Variants in CPPED1 observed in about 807,000 individuals in gnomAD.
CPPED1 encodes calcineurin like phosphoesterase domain containing 1, also known as serine/threonine-protein phosphatase CPPED1.
A neutral mutation model predicts 28.0 loss-of-function variants in CPPED1; 28 were observed. That is an observed-to-expected ratio of 1.00 (90% CI 0.74 to 1.37). CPPED1 has a LOEUF of 1.37. CPPED1 is among the 40% of genes most tolerant of loss of function. CPPED1 has a pLI of 0.00. For synonymous variants in CPPED1, 198 were observed against 180.2 expected (o/e 1.10, Z -0.79); for missense variants, 504 against 416.5 (o/e 1.21, Z -1.83).
intron 2 of CPPED1, among the ~76,000 whole-genome samples, chr16:12,774,321 A>G (rs2080485651): frequency 6.6e-6 from 1 of 152,096 alleles, no homozygotes; most frequent in South Asian, 2.1e-4. Context: ...TACAAAAATT[A>G]GCCAGGTGTG....
In CPPED1 at chr16:12,661,740, G is replaced by A. The variant is rs1197317330; in HGVS notation, c.*3146C>T. 1 of 152,380 alleles carries A rather than the reference G, an allele frequency of 6.6e-6. No individual in the cohort carries two copies. Among genetic ancestry groups the A allele is most frequent in the African/African-American group, 2.4e-5 (1 of 41,446 alleles). 9.4% of individuals were successfully genotyped at this position (152,380 alleles called of 1,614,324 possible). A position where few individuals can be genotyped will look rare whatever the true frequency, so the allele number is the denominator to read the frequency against. On this transcript the variant is annotated 3_prime_UTR_variant, in exon 4 of 4. Coordinates refer to ENST00000381774, the MANE Select transcript of CPPED1 (RefSeq NM_018340.3). ...TGCTGCAGACAGGGCTGTGTCCCGT[G>A]ACTCATTATGGTTCAGTTCGGTTTC...
chr16:12,707,156 A>C (rs546960884), intron 2 of CPPED1, among the ~76,000 whole-genome samples: 24 of 152,192 alleles, frequency 1.6e-4, no homozygotes, highest in African/African-American at 1.4e-4. Flanking sequence ...GAACACAACA[A>C]ACTCTCTCAA....
At chr16:12,694,491 C>T (rs1449962172) in intron 3 of CPPED1, among the ~76,000 whole-genome samples, 1 of 152,120 alleles carries the variant, frequency 6.6e-6, no homozygotes, top group Admixed American at 6.6e-5. Context: ...TAATCCATCA[C>T]TTTACACCAG....
Position 12,704,926 on chromosome 16 carries a change from G to A in CPPED1, c.413C>T (p.Thr138Ile). Residue 138 changes from threonine to isoleucine, a missense_variant, in exon 3 of 4, where the codon ACC becomes ATC. Coordinates refer to ENST00000381774, the MANE Select transcript of CPPED1 (RefSeq NM_018340.3). ...HDIGNTPTAETVEEFCRTWGD... is the reference protein window; with the variant it reads ...HDIGNTPTAEIVEEFCRTWGD... ...CCAAGTCCGGCAGAACTCCTCGACG[G>A]TCTCGGCCGTGGGGGTGTTGCCAAT... The A allele has an allele frequency of 6.2e-7, 1 of 1,614,162 alleles. No individual in the cohort carries two copies. Among genetic ancestry groups the A allele is most frequent in the Non-Finnish European group, 8.5e-7 (1 of 1,180,024 alleles).
intron 2 of CPPED1, among the ~76,000 whole-genome samples, chr16:12,772,711 A>G (rs367634446): frequency 6.6e-6 from 1 of 152,328 alleles, no homozygotes; most frequent in South Asian, 2.1e-4. Context: ...TTAAATCAGA[A>G]AAGCCTTCTG....
chr16:12,754,598 A>C (rs187974548), intron 2 of CPPED1, among the ~76,000 whole-genome samples: 1 of 152,352 alleles, frequency 6.6e-6, no homozygotes, highest in African/African-American at 2.4e-5. Flanking sequence ...GTCTATTTAT[A>C]AAAATCCAAT....
chr16:12,802,914 A>G (rs1023639291), intron 1 of CPPED1, among the ~76,000 whole-genome samples: 2 of 152,194 alleles, frequency 1.3e-5, no homozygotes, highest in African/African-American at 4.8e-5. Flanking sequence ...ATTTAGGGTG[A>G]CTTCCCTGGG....
intron 2 of CPPED1, among the ~76,000 whole-genome samples, chr16:12,765,850 T>A (rs140186136): frequency 6.6e-6 from 1 of 152,314 alleles, no homozygotes; most frequent in African/African-American, 2.4e-5. Flanking sequence ...AACCTCTCAT[T>A]ATTTTTTTTC....
At chr16:12,720,474 A>C (rs1033597537) in intron 2 of CPPED1, 1 of 152,778 alleles carries the variant, frequency 6.5e-6, no homozygotes, top group Non-Finnish European at 1.5e-5. Context: ...ATATTAACAA[A>C]GTGTTTTATT....
chr16:12,753,043 CAT>C (rs1272439431), intron 2 of CPPED1: 1 of 152,004 alleles, frequency 6.6e-6, no homozygotes, highest in African/African-American at 2.4e-5. Flanking sequence ...GCAAATTCAA[CAT>C]GTCTGAACCT....
intron 2 of CPPED1, among the ~76,000 whole-genome samples, chr16:12,734,574 T>C (rs897397663): frequency 3.3e-5 from 5 of 151,974 alleles, no homozygotes; most frequent in Non-Finnish European, 7.4e-5. Context: ...AGAGACGGGG[T>C]TTCACCGTGT....
intron 2 of CPPED1, among the ~76,000 whole-genome samples, chr16:12,724,221 C>T (rs1265257586): frequency 1.3e-5 from 2 of 152,134 alleles, no homozygotes; most frequent in African/African-American, 2.4e-5. Flanking sequence ...AGTGCTAAGA[C>T]GTCCCCGAAC....
At chr16:12,692,097 G>A (rs575962473) in intron 3 of CPPED1, among the ~76,000 whole-genome samples, 2 of 152,088 alleles carry the variant, frequency 1.3e-5, no homozygotes, top group Non-Finnish European at 2.9e-5. Flanking sequence ...CAAGTGATCT[G>A]CCTGCCTCGG....
Position 12,709,850 on chromosome 16 carries a change from G to A in CPPED1, c.290-4801C>T, listed in dbSNP as rs1043163917. Among the ~76,000 whole-genome samples, 7 of 151,634 alleles carry A rather than the reference G, an allele frequency of 4.6e-5. No homozygotes were observed. The highest frequency in any genetic ancestry group is 1.5e-4 in the African/African-American group (6 of 41,240). ...CATCATACTAGAAATCCTAGCCAGT[G>A]CAATAGGCAGGCAGGCAGGCAGTCA... On this transcript the variant is annotated intron_variant, in intron 2 of 3. Transcript: ENST00000381774. The surrounding 1 kb of genome is among the most constrained non-coding windows in gnomAD (Gnocchi z 4.4).
chr16:12,779,136 T>C (rs1378626925), intron 2 of CPPED1, among the ~76,000 whole-genome samples: 1 of 152,144 alleles, frequency 6.6e-6, no homozygotes, highest in Non-Finnish European at 1.5e-5. Context: ...CGAGAACATG[T>C]TATATAATTC....
At chr16:12,723,189 G>A (rs1003633647) in intron 2 of CPPED1, among the ~76,000 whole-genome samples, 1 of 152,192 alleles carries the variant, frequency 6.6e-6, no homozygotes, top group Non-Finnish European at 1.5e-5. Flanking sequence ...CACACAGGGT[G>A]TCATTCCTTT....
At chr16:12,724,493 C>T (rs1346792992) in intron 2 of CPPED1, among the ~76,000 whole-genome samples, 1 of 152,176 alleles carries the variant, frequency 6.6e-6, no homozygotes, top group Non-Finnish European at 1.5e-5. Context: ...CTGTCACCAG[C>T]CTGGCCTCTT....
intron 2 of CPPED1, among the ~76,000 whole-genome samples, chr16:12,766,256 T>TATATATATATATATAGAG: frequency 2.4e-4 from 32 of 134,286 alleles, no homozygotes; most frequent in African/African-American, 9.4e-4. Context: ...TATATATATA[T>TATATATATATATATAGAG]AGAGAGAGAG....
At chr16:12,726,340 CTTTTTTTTTTT>C (rs35865113) in intron 2 of CPPED1, among the ~76,000 whole-genome samples, 1 of 107,386 alleles carries the variant, frequency 9.3e-6, no homozygotes, top group Non-Finnish European at 1.8e-5. Flanking sequence ...GCACCCAGCC[CTTTTTTTTTTT>C]TTTTTTTTTA....
Sources: gnomAD v4.1 joint callset for allele counts (sites outside exome capture counted in the v4.1 genomes callset) on GRCh38, gnomAD v4.1.1 for gene constraint, Gnocchi (gnomAD v3.1) non-coding constraint, MANE v1.5 for transcripts, NCBI Gene and HGNC (gene_info 2026-07-23, HGNC 2026-07-21) for gene names.